The following MORC1 variants were observed in gnomAD, a reference collection of about 807,000 sequenced individuals.
MORC1 encodes MORC family CW-type zinc finger 1, also known as MORC family CW-type zinc finger protein 1.
MORC1 carries 59 observed loss-of-function variants against 134.9 expected under a neutral mutation model. That is an observed-to-expected ratio of 0.44 (90% CI 0.35 to 0.54). The LOEUF (loss-of-function observed/expected upper bound fraction) is 0.54. Ranked by LOEUF, MORC1 falls within the 20% of genes least tolerant of loss-of-function variation. The pLI, the probability that MORC1 is intolerant of heterozygous loss-of-function variation, is 0.00. For synonymous variants in MORC1, 395 were observed against 391.7 expected (o/e 1.01, Z -0.10); for missense variants, 947 against 1,134.5 (o/e 0.83, Z 2.37).
rs754083133 is a variant in MORC1, at chr3:108,959,099, C to T, written c.2821G>A (p.Glu941Lys). 1.3e-6 allele frequency: 2 copies of T among 1,580,832 alleles called. No homozygotes were observed. The highest frequency in any genetic ancestry group is 1.7e-6 in the Non-Finnish European group (2 of 1,167,228). Residue 941 changes from glutamate (E) to lysine (K), a missense_variant, in exon 28 of 28, where the codon GAG (glutamate) becomes AAG (lysine). Physicochemically the swap from Glu to Lys is moderately conservative, Grantham distance 56 (BLOSUM62 1). Around this residue, in one of 3 missense-constraint regions of MORC1, gnomAD observed 722 missense variants for 817.0 expected, o/e 0.88. Coordinates refer to ENST00000232603, the MANE Select transcript of MORC1 (RefSeq NM_014429.4). ...LQLGGPEGDL[E>K]QTDTYLEALL... ...GCTTCTAAATAAGTGTCAGTCTGCTCCAGGTCACCTTCTGGACCACCCTGG... is the reference window on the plus strand; with the variant it reads ...GCTTCTAAATAAGTGTCAGTCTGCTTCAGGTCACCTTCTGGACCACCCTGG...
intron 1 of MORC1, among the ~76,000 whole-genome samples, chr3:109,117,451 C>G (rs1023719251): frequency 6.6e-6 from 1 of 152,006 alleles, no homozygotes; most frequent in African/African-American, 2.4e-5. Flanking sequence ...GAAAAAACCT[C>G]TGTCATTCCC....
intron 15 of MORC1, 79 bp downstream of exon 15, chr3:109,035,261 T>C: frequency 6.8e-6 from 9 of 1,317,490 alleles, no homozygotes; most frequent in Non-Finnish European, 9.5e-6. Flanking sequence ...GTCTCCCTCA[T>C]CCCTCATTTC....
At chr3:109,117,331 C>CAAAAAAAAAAAAAAAAAAA (rs202128565) in intron 1 of MORC1, among the ~76,000 whole-genome samples, 9 of 113,618 alleles carry the variant, frequency 7.9e-5, no homozygotes, top group African/African-American at 1.0e-4. Context: ...CAAAAGATGT[C>CAAAAAAAAAAAAAAAAAAA]AAAAAAAAAA....
At chr3:108,993,003 G>C (rs974064677) in intron 21 of MORC1, among the ~76,000 whole-genome samples, 32 of 152,054 alleles carry the variant, frequency 2.1e-4, no homozygotes, top group African/African-American at 7.5e-4. Flanking sequence ...ACAACCTTGA[G>C]AATAGATGGC....
At position 109,092,722 on chromosome 3, in the gene MORC1, A is replaced by G. The variant is rs72935392; in HGVS notation, c.689+714T>C. ...TGGCTACTAGAAAATTTAAGATTAA[A>G]TATGTCCCTCGTTGTGGCTCTCATT... is the stretch of plus-strand genomic sequence containing the variant. On this transcript the variant is annotated intron_variant, in intron 8 of 27. Coordinates refer to ENST00000232603, the MANE Select transcript of MORC1 (RefSeq NM_014429.4). 6.4e-3 allele frequency among the ~76,000 whole-genome samples: 981 copies of G among 152,310 alleles called. 10 individuals carry two copies. The highest frequency in any genetic ancestry group is 0.051 in the Middle Eastern group (15 of 294).
At chr3:109,048,537 C>T (rs1337837217) in intron 14 of MORC1, among the ~76,000 whole-genome samples, 1 of 152,066 alleles carries the variant, frequency 6.6e-6, no homozygotes, top group Non-Finnish European at 1.5e-5. Context: ...TTGAAATCTC[C>T]CATATGTATT....
chr3:108,986,755 T>C, intron 22 of MORC1, 125 bp downstream of exon 22: 1 of 672,176 alleles, frequency 1.5e-6, no homozygotes. Flanking sequence ...AACAACAAAC[T>C]TAATTTTTTA....
chr3:109,104,355 G>A (rs1950982532), intron 3 of MORC1, among the ~76,000 whole-genome samples: 1 of 152,004 alleles, frequency 6.6e-6, no homozygotes, highest in African/African-American at 2.4e-5. Context: ...AATCCATCAG[G>A]CTCCCTTCTA....
At chr3:109,011,588 C>T (rs1190547887) in intron 17 of MORC1, among the ~76,000 whole-genome samples, 1 of 150,502 alleles carries the variant, frequency 6.6e-6, no homozygotes, top group Non-Finnish European at 1.5e-5. Context: ...ATGGCACAAT[C>T]TGAGCTCACC....
At chr3:109,080,091 G>A (rs910611224) in intron 8 of MORC1, among the ~76,000 whole-genome samples, 7 of 152,112 alleles carry the variant, frequency 4.6e-5, no homozygotes, top group African/African-American at 1.4e-4. Flanking sequence ...CTGAGGTCCT[G>A]TGAGGCTAAA....
chr3:109,070,142 A>ACATGAATAAAAAG (rs1396362062), intron 8 of MORC1, among the ~76,000 whole-genome samples: 1 of 152,246 alleles, frequency 6.6e-6, no homozygotes, highest in East Asian at 1.9e-4. Context: ...ATCTAGGCTC[A>ACATGAATAAAAAG]CATGAATAAA....
intron 9 of MORC1, among the ~76,000 whole-genome samples, chr3:109,064,610 TAC>T (rs1486074257): frequency 6.6e-6 from 1 of 152,136 alleles, no homozygotes; most frequent in African/African-American, 2.4e-5. Context: ...TCAAGTAAAC[TAC>T]AGTTCTGAAC....
intron 17 of MORC1, among the ~76,000 whole-genome samples, chr3:109,022,355 A>G (rs1948978553): frequency 1.3e-5 from 2 of 152,252 alleles, no homozygotes; most frequent in Non-Finnish European, 2.9e-5. Context: ...CAGATACGCC[A>G]TTCAATCTGA....
Position 109,057,202 on chromosome 3 carries a change from C to A in MORC1, c.1175+141G>T, listed in dbSNP as rs1231072038. Reference sequence around the variant, plus strand: ...ATACTATCAATGAGGCAGATTAATGCCTGCACTTCAACAGGAAGGGTGAAC... The same window carrying A: ...ATACTATCAATGAGGCAGATTAATGACTGCACTTCAACAGGAAGGGTGAAC... On this transcript the variant is annotated intron_variant, in intron 13 of 27. Coordinates refer to ENST00000232603, the MANE Select transcript of MORC1 (RefSeq NM_014429.4). 2.0e-5 allele frequency: 16 copies of A among 792,402 alleles called. No homozygotes were observed. In the Admixed American group the frequency reaches 2.2e-4, roughly 11 times the overall value. 49.1% of individuals were successfully genotyped at this position (792,402 alleles called of 1,614,324 possible). A position where few individuals can be genotyped will look rare whatever the true frequency, so the allele number is the denominator to read the frequency against.
chr3:109,062,951 T>C (rs544547119), intron 10 of MORC1, among the ~76,000 whole-genome samples: 2 of 152,258 alleles, frequency 1.3e-5, no homozygotes, highest in African/African-American at 4.8e-5. Context: ...ATCATACTTA[T>C]AATAATAATT....
In MORC1 at chr3:108,963,003, A is replaced by G. The variant is rs1947122521; in HGVS notation, c.2799+411T>C. 3.3e-5 allele frequency among the ~76,000 whole-genome samples: 5 copies of G among 152,134 alleles called. 1 individual carries two copies. The highest frequency in any genetic ancestry group is 3.3e-4 in the Admixed American group (5 of 15,266). On this transcript the variant is annotated intron_variant, in intron 27 of 27. Coordinates refer to ENST00000232603, the MANE Select transcript of MORC1 (RefSeq NM_014429.4). ...TGTTATTAAGGGGACACCAAGGATG[A>G]TCATGCTATACCAACAGCACAAGCA...
At chr3:109,031,880 G>A (rs534121796) in intron 16 of MORC1, among the ~76,000 whole-genome samples, 40 of 152,136 alleles carry the variant, frequency 2.6e-4, no homozygotes, top group African/African-American at 8.4e-4. Flanking sequence ...AAAGGGATAC[G>A]AAAAAACCTG....
chr3:109,107,389 A>C (rs1318952855), intron 3 of MORC1, among the ~76,000 whole-genome samples: 1 of 152,166 alleles, frequency 6.6e-6, no homozygotes, highest in African/African-American at 2.4e-5. Flanking sequence ...TACCCACCAA[A>C]GTACAGCTAC....
intron 8 of MORC1, among the ~76,000 whole-genome samples, chr3:109,072,197 C>T (rs889530441): frequency 3.3e-5 from 5 of 152,186 alleles, no homozygotes; most frequent in African/African-American, 9.6e-5. Context: ...CCGCTTAATT[C>T]TCCAGTCTCA....
Sources: gnomAD v4.1 joint callset for allele counts (sites outside exome capture counted in the v4.1 genomes callset) on GRCh38, gnomAD v4.1.1 for gene constraint, gnomAD v4.1.1 regional missense constraint, MANE v1.5 for transcripts, NCBI Gene and HGNC (gene_info 2026-07-23, HGNC 2026-07-21) for gene names.